UBE4B: variants seen among roughly 807,000 people sequenced by gnomAD.
The protein encoded by UBE4B is ubiquitin conjugation factor E4 B.
In UBE4B, 27 loss-of-function variants were observed where a neutral mutation model predicts 148.1. The ratio of observed to expected loss-of-function variants is 0.18; its 90% CI spans 0.13 to 0.25. UBE4B has a LOEUF of 0.25. Among genes scored for constraint, UBE4B ranks in the 10% least tolerant of loss-of-function variants. UBE4B has a pLI of 1.00. For missense variants in UBE4B, 1,170 were observed against 1,662.4 expected, an observed-to-expected ratio of 0.70 and a Z score of 5.15; for synonymous variants, 596 against 619.3, an observed-to-expected ratio of 0.96 and a Z score of 0.56.
At chr1:10,054,073 A>T (rs192212607) in intron 1 of UBE4B, among the ~76,000 whole-genome samples, 3,370 of 146,330 alleles carry the variant, frequency 0.023, 102 homozygotes, top group African/African-American at 0.068. Flanking sequence ...GATTTTTTTT[A>T]AAAAAAAAGA....
intron 9 of UBE4B, among the ~76,000 whole-genome samples, chr1:10,120,925 C>T (rs1306679053): frequency 6.6e-6 from 1 of 151,962 alleles, no homozygotes; most frequent in Non-Finnish European, 1.5e-5. Flanking sequence ...ATTTTGTATG[C>T]CATAACCATA....
intron 7 of UBE4B, among the ~76,000 whole-genome samples, chr1:10,115,736 A>C (rs1645297588): frequency 1.3e-5 from 2 of 152,286 alleles, no homozygotes; most frequent in Admixed American, 1.3e-4. Flanking sequence ...TACTTACACA[A>C]CCTAGATCAT....
Position 10,180,075 on chromosome 1 carries a change from A to T in UBE4B, c.*119A>T. ...AGGCCAAATGTGGCAAACCAACCCCAGGCCCACCCAGAGCGAGCAAACGCT... is the reference window on the plus strand; with the variant it reads ...AGGCCAAATGTGGCAAACCAACCCCTGGCCCACCCAGAGCGAGCAAACGCT... On this transcript the variant is annotated 3_prime_UTR_variant, in exon 28 of 28. Coordinates refer to ENST00000343090, the MANE Select transcript of UBE4B (RefSeq NM_001105562.3). 7.7e-7 allele frequency: 1 copy of T among 1,295,426 alleles called. No individual in the cohort carries two copies. Among genetic ancestry groups the T allele is most frequent in the African/African-American group, 1.5e-5 (1 of 68,074 alleles). The allele number at this position is 1,295,426 out of a possible 1,614,324, so 80.2% of individuals were successfully genotyped here.
intron 2 of UBE4B, among the ~76,000 whole-genome samples, chr1:10,082,809 A>C (rs1644704804): frequency 1.4e-5 from 2 of 139,256 alleles, no homozygotes; most frequent in East Asian, 2.3e-4. Context: ...CCTCCCCTTG[A>C]CCCCACCCTC....
chr1:10,123,692 C>T (rs1460582952), intron 10 of UBE4B, among the ~76,000 whole-genome samples: 1 of 152,092 alleles, frequency 6.6e-6, no homozygotes, highest in East Asian at 1.9e-4. Flanking sequence ...TCCCCATCAC[C>T]AGCTTTGGAC....
At chr1:10,068,343 T>TC (rs1188764165) in intron 1 of UBE4B, among the ~76,000 whole-genome samples, 1 of 146,470 alleles carries the variant, frequency 6.8e-6, no homozygotes, top group Non-Finnish European at 1.5e-5. Context: ...TTTTCTTTTC[T>TC]TTTTTCTTTT....
At chr1:10,100,866 T>C in intron 3 of UBE4B, 1 of 458,416 alleles carries the variant, frequency 2.2e-6, no homozygotes, top group Middle Eastern at 6.6e-4. Flanking sequence ...TGATATACTT[T>C]TAAAAAGTAA....
chr1:10,047,470 C>A lies in UBE4B; in HGVS notation c.24+13776C>A, dbSNP rs189839095. Reference sequence around the variant, plus strand: ...CATGTTCTATCCCATAAGAGCATGGCCAGAAAGCTTCATATATCTTTTTTT... The same window carrying A: ...CATGTTCTATCCCATAAGAGCATGGACAGAAAGCTTCATATATCTTTTTTT... On this transcript the variant is annotated intron_variant, in intron 1 of 27. Coordinates refer to ENST00000343090, the MANE Select transcript of UBE4B (RefSeq NM_001105562.3). Among the ~76,000 whole-genome samples, 7 of 150,824 alleles carry A rather than the reference C, an allele frequency of 4.6e-5. No individual in the cohort carries two copies. The East Asian group carries it at 7.8e-4, about 17-fold the overall frequency.
At chr1:10,091,181 C>T (rs1337850329) in intron 2 of UBE4B, among the ~76,000 whole-genome samples, 2 of 152,084 alleles carry the variant, frequency 1.3e-5, no homozygotes, top group East Asian at 1.9e-4. Flanking sequence ...AGGGTTACAG[C>T]AGATTATGTT....
At chr1:10,115,383 C>T (rs951843051) in intron 7 of UBE4B, among the ~76,000 whole-genome samples, 4 of 151,906 alleles carry the variant, frequency 2.6e-5, no homozygotes, top group African/African-American at 9.7e-5. Context: ...ATTCTCCTGC[C>T]TCAGCCTCCC....
intron 2 of UBE4B, among the ~76,000 whole-genome samples, chr1:10,084,178 T>C (rs917855079): frequency 6.6e-6 from 1 of 152,214 alleles, no homozygotes; most frequent in African/African-American, 2.4e-5. Flanking sequence ...CTTTGTCATG[T>C]GCCCAAGCCT....
intron 25 of UBE4B, among the ~76,000 whole-genome samples, chr1:10,176,938 A>G (rs1646437615): frequency 6.6e-6 from 1 of 151,126 alleles, no homozygotes. Flanking sequence ...GGCGTGCACC[A>G]TCACGCCTGG....
chr1:10,057,999 AAGGACTCT>A, intron 1 of UBE4B, among the ~76,000 whole-genome samples: 1 of 152,124 alleles, frequency 6.6e-6, no homozygotes, highest in East Asian at 1.9e-4. Context: ...ATGTCCACAC[AAGGACTCT>A]TGTGAGAGTA....
At chr1:10,132,153 G>A (rs939149207) in intron 14 of UBE4B, among the ~76,000 whole-genome samples, 3 of 151,858 alleles carry the variant, frequency 2.0e-5, no homozygotes, top group African/African-American at 7.3e-5. Context: ...AACTGTAACT[G>A]CCTACCTCCC....
At chr1:10,175,454 G>T (rs7540431) in intron 25 of UBE4B, among the ~76,000 whole-genome samples, 7 of 150,872 alleles carry the variant, frequency 4.6e-5, no homozygotes, top group Non-Finnish European at 1.0e-4. Flanking sequence ...GATCGAGACC[G>T]TCCTGGCTAA....
In UBE4B at chr1:10,101,653, C is replaced by T. The variant is rs750386577; in HGVS notation, c.435+458C>T. ...CTTCCCAAGTAGCTGGGACTACAGG[C>T]GCCCGCCACCACGCCCAGCTAATTT... On this transcript the variant is annotated intron_variant, in intron 4 of 27. Transcript: ENST00000343090. Among the ~76,000 whole-genome samples the T allele has an allele frequency of 1.3e-4, 20 of 151,794 alleles. 1 individual carries two copies. The highest frequency in any genetic ancestry group is 2.2e-4 in the African/African-American group (9 of 41,384).
At chr1:10,101,424 G>GCTTTTTT (rs1557552300) in intron 4 of UBE4B, among the ~76,000 whole-genome samples, 1 of 144,408 alleles carries the variant, frequency 6.9e-6, no homozygotes, top group Non-Finnish European at 1.5e-5. Context: ...TCAGGGCCAT[G>GCTTTTTT]ATTTTATCAG....
chr1:10,137,022 G>A (rs1285310941), intron 16 of UBE4B, 45 bp from the exon 17 acceptor site: 2 of 1,605,524 alleles, frequency 1.2e-6, no homozygotes, highest in Admixed American at 3.4e-5. Context: ...CTCTGATTGA[G>A]ACATGTAATA....
chr1:10,172,190 A>G (rs1475704342), intron 25 of UBE4B, among the ~76,000 whole-genome samples: 1 of 152,164 alleles, frequency 6.6e-6, no homozygotes, highest in Non-Finnish European at 1.5e-5. Flanking sequence ...TCATTTCCAC[A>G]GCCACCGATT....
Sources: gnomAD v4.1 joint callset for allele counts (sites outside exome capture counted in the v4.1 genomes callset) on GRCh38, gnomAD v4.1.1 for gene constraint, MANE v1.5 for transcripts, NCBI Gene and HGNC (gene_info 2026-07-23, HGNC 2026-07-21) for gene names.